Variants in DIS3L2 observed in about 807,000 individuals in gnomAD.
DIS3L2 encodes the protein DIS3 like 3'-5' exoribonuclease 2.
A neutral mutation model predicts 97.5 loss-of-function variants in DIS3L2; 34 were observed. The observed-to-expected ratio is 0.35, with a 90% CI of 0.27 to 0.46. The LOEUF is 0.46. DIS3L2 is among the 20% of genes least tolerant of loss of function. DIS3L2 has a pLI of 1.00. For missense variants in DIS3L2, 1,038 were observed against 1,146.0 expected (o/e 0.91, Z 1.36); for synonymous variants, 435 against 445.2 (o/e 0.98, Z 0.29).
chr2:232,160,798 G>A (rs1282042906), intron 8 of DIS3L2, among the ~76,000 whole-genome samples: 1 of 152,184 alleles, frequency 6.6e-6, no homozygotes, highest in Non-Finnish European at 1.5e-5. Flanking sequence ...CGAGGCTGCA[G>A]TGGGCCATGA....
intron 1 of DIS3L2, among the ~76,000 whole-genome samples, chr2:231,992,162 C>T (rs1693603628): frequency 6.6e-6 from 1 of 152,024 alleles, no homozygotes; most frequent in African/African-American, 2.4e-5. Flanking sequence ...AAAACATGAC[C>T]CACTTGGGAT....
intron 5 of DIS3L2, among the ~76,000 whole-genome samples, chr2:232,055,603 G>C (rs1695525911): frequency 6.6e-6 from 1 of 152,080 alleles, no homozygotes; most frequent in African/African-American, 2.4e-5. Flanking sequence ...AATCGTTGTT[G>C]TGTGTGTGTG....
intron 6 of DIS3L2, among the ~76,000 whole-genome samples, chr2:232,116,251 T>C (rs994895731): frequency 2.6e-5 from 4 of 152,088 alleles, no homozygotes; most frequent in African/African-American, 4.8e-5. Flanking sequence ...GAAGTTAAGC[T>C]TCAGGTCTTC....
At chr2:232,310,801 C>T (rs1286547467) in intron 14 of DIS3L2, among the ~76,000 whole-genome samples, 1 of 152,212 alleles carries the variant, frequency 6.6e-6, no homozygotes, top group Non-Finnish European at 1.5e-5. Flanking sequence ...CACTGAGTTG[C>T]CCATGGGTCC....
intron 3 of DIS3L2, among the ~76,000 whole-genome samples, chr2:232,019,076 C>G (rs942591540): frequency 6.6e-6 from 1 of 151,982 alleles, no homozygotes; most frequent in Non-Finnish European, 1.5e-5. Flanking sequence ...GTTTCAGATC[C>G]CAAAAGATGC....
chr2:232,210,105 A>T (rs1692145382), intron 9 of DIS3L2, among the ~76,000 whole-genome samples: 1 of 152,150 alleles, frequency 6.6e-6, no homozygotes, highest in South Asian at 2.1e-4. Context: ...GGGGTGAAGG[A>T]GAAGTAGGTG....
intron 14 of DIS3L2, among the ~76,000 whole-genome samples, chr2:232,303,741 A>G (rs953752877): frequency 6.6e-6 from 1 of 152,202 alleles, no homozygotes; most frequent in African/African-American, 2.4e-5. Flanking sequence ...GGGATTCAGT[A>G]TCAAAAGCAG....
chr2:232,128,416 TG>T (rs1208596669), intron 6 of DIS3L2, among the ~76,000 whole-genome samples: 1 of 151,062 alleles, frequency 6.6e-6, no homozygotes, highest in African/African-American at 2.4e-5. Context: ...GATTAAACAA[TG>T]TAGTAGAGTC....
rs540122728 is a variant in DIS3L2 at position 232,098,535 on chromosome 2, G to A, written c.601+10814G>A. Among the ~76,000 whole-genome samples, 3 of 152,062 alleles carry A rather than the reference G, an allele frequency of 2.0e-5. No homozygotes were observed. In the South Asian group the frequency reaches 6.2e-4, roughly 32 times the overall value. ...TGCCTGGTTAATTTTTGTATTTTTA[G>A]TAGAGATGGGTTTTCACCATGTTGG... is the stretch of plus-strand genomic sequence containing the variant. On this transcript the variant is annotated intron_variant, in intron 6 of 20. Transcript: ENST00000325385.
chr2:232,287,343 A>G (rs1181600551), intron 13 of DIS3L2, among the ~76,000 whole-genome samples: 1 of 144,626 alleles, frequency 6.9e-6, no homozygotes, highest in East Asian at 2.0e-4. Context: ...TTACAAATAG[A>G]AAGTTTGTTC....
At chr2:232,294,846 G>A (rs1404930424) in intron 13 of DIS3L2, among the ~76,000 whole-genome samples, 2 of 152,158 alleles carry the variant, frequency 1.3e-5, no homozygotes, top group Admixed American at 6.5e-5. Context: ...TAAGATCAGC[G>A]TGAGAGATGC....
chr2:232,329,785 T>TGCCCGGGGGGGGGC, intron 14 of DIS3L2, 28 bp from the exon 15 acceptor site: 22 of 967,136 alleles, frequency 2.3e-5, no homozygotes, highest in Non-Finnish European at 2.9e-5. Flanking sequence ...ACCCCAGCGG[T>TGCCCGGGGGGGGGC]CCCTCCCATC....
chr2:232,017,935 T>C (rs890072421), intron 3 of DIS3L2, among the ~76,000 whole-genome samples: 1 of 152,226 alleles, frequency 6.6e-6, no homozygotes, highest in Non-Finnish European at 1.5e-5. Context: ...CCAGATAGAC[T>C]GTTCATGTCC....
chr2:232,280,372 G>A (rs1694250269), intron 13 of DIS3L2, among the ~76,000 whole-genome samples: 1 of 152,190 alleles, frequency 6.6e-6, no homozygotes, highest in African/African-American at 2.4e-5. Flanking sequence ...TTTGAAAAGA[G>A]GGTATGGGAT....
At chr2:232,189,561 G>A (rs947044984) in intron 9 of DIS3L2, among the ~76,000 whole-genome samples, 25 of 152,190 alleles carry the variant, frequency 1.6e-4, no homozygotes, top group South Asian at 2.1e-4. Flanking sequence ...GAACAGATTC[G>A]TAGTTGCCAA....
At chr2:232,311,255 G>A (rs1479857868) in intron 14 of DIS3L2, among the ~76,000 whole-genome samples, 3 of 152,246 alleles carry the variant, frequency 2.0e-5, no homozygotes, top group Admixed American at 1.3e-4. Context: ...TCAGCATATA[G>A]TGTGACTTAT....
chr2:232,193,682 A>T (rs1363901552), intron 9 of DIS3L2, among the ~76,000 whole-genome samples: 1 of 152,202 alleles, frequency 6.6e-6, no homozygotes, highest in African/African-American at 2.4e-5. Flanking sequence ...GGTTCTAAGA[A>T]ACCCCAAAAT....
intron 4 of DIS3L2, among the ~76,000 whole-genome samples, chr2:232,029,123 A>G (rs905945742): frequency 4.1e-4 from 63 of 152,242 alleles, no homozygotes; most frequent in African/African-American, 1.4e-3. Flanking sequence ...TATTAGAAAA[A>G]TTTGAGTGAT....
chr2:231,992,747 GA>G (rs1693618253), intron 1 of DIS3L2, among the ~76,000 whole-genome samples: 1 of 152,090 alleles, frequency 6.6e-6, no homozygotes, highest in East Asian at 1.9e-4. Flanking sequence ...CTGTCTTCTC[GA>G]AATCTTGATT....
Sources: allele counts gnomAD v4.1 joint callset (sites outside exome capture counted in the v4.1 genomes callset), GRCh38; gene constraint gnomAD v4.1.1; transcripts MANE v1.5; gene names NCBI Gene and HGNC (gene_info 2026-07-23, HGNC 2026-07-21).